KCNQ1: variants seen among roughly 807,000 people sequenced by gnomAD.
KCNQ1 encodes potassium voltage-gated channel subfamily KQT member 1.
A neutral mutation model predicts 72.4 loss-of-function variants in KCNQ1; 49 were observed. The ratio of observed to expected loss-of-function variants is 0.68; its 90% CI spans 0.54 to 0.86. The LOEUF (loss-of-function observed/expected upper bound fraction) is 0.86. Ranked by LOEUF, KCNQ1 falls within the 40% of genes least tolerant of loss-of-function variation. The probability of loss-of-function intolerance (pLI) is 0.00; values close to 1 mark genes in which losing one functional copy is unlikely to be tolerated. For missense variants in KCNQ1, 790 were observed against 945.1 expected (o/e 0.84, Z 2.15); for synonymous variants, 450 against 412.6 (o/e 1.09, Z -1.10).
rs12277672 is a variant in KCNQ1, at chr11:2,598,733, T to C, written c.1393+9879T>C. 0.28 allele frequency among the ~76,000 whole-genome samples: 42,400 copies of C among 152,086 alleles called. 9,192 individuals carry two copies. The highest frequency in any genetic ancestry group is 0.59 in the African/African-American group (24,445 of 41,424). On this transcript the variant is annotated intron_variant, in intron 10 of 15. Coordinates refer to ENST00000155840, the MANE Select transcript of KCNQ1 (RefSeq NM_000218.3). The surrounding 1 kb of genome is among the most constrained non-coding windows in gnomAD (Gnocchi z 6.2). ...GGAGTGGTTTGGAGCACAGCCTATA[T>C]GGCCAACCTTCTTTAGGGTCATAGC...
chr11:2,528,106 C>A (rs1003703364), intron 2 of KCNQ1, 88 bp downstream of exon 2: 16 of 827,426 alleles, frequency 1.9e-5, no homozygotes, highest in Non-Finnish European at 3.0e-5. Context: ...AGGTGGGGGG[C>A]AGAGCCACTC....
At chr11:2,756,295 G>T (rs1201572208) in intron 11 of KCNQ1, among the ~76,000 whole-genome samples, 2 of 152,106 alleles carry the variant, frequency 1.3e-5, no homozygotes, top group Non-Finnish European at 2.9e-5. Context: ...GGGAGAGTGA[G>T]TAAACATGGA....
rs1848358891 is a variant in KCNQ1 at position 2,572,834 on chromosome 11, T to C, written c.781-12T>C. 1.2e-6 allele frequency: 2 copies of C among 1,613,648 alleles called. No individual in the cohort carries two copies. Among genetic ancestry groups the C allele is most frequent in the African/African-American group, 2.7e-5 (2 of 75,068 alleles). ...GTTCCTGGAGCCCGACACTGTGTGT[T>C]TTCTGGCCTAGGAGCTGATAACCAC... On this transcript the variant is annotated splice_polypyrimidine_tract_variant and intron_variant, in intron 5 of 15. Coordinates refer to ENST00000155840, the MANE Select transcript of KCNQ1 (RefSeq NM_000218.3).
chr11:2,689,043 G>C (rs1850545129), intron 11 of KCNQ1: 1 of 398,782 alleles, frequency 2.5e-6, no homozygotes, highest in South Asian at 1.3e-4. Context: ...GCAGGGTTTT[G>C]AGGGGCAGTT....
rs1850184782 is a variant in KCNQ1, at chr11:2,671,623, A to G, written c.1514+9542A>G. ...CTGCACCCTAAGTATAAACCTTGCCACAGCAGTGTCCTGTGGTGCCCTGCT... is the reference window on the plus strand; with the variant it reads ...CTGCACCCTAAGTATAAACCTTGCCGCAGCAGTGTCCTGTGGTGCCCTGCT... On this transcript the variant is annotated intron_variant, in intron 11 of 15. Coordinates refer to ENST00000155840, the MANE Select transcript of KCNQ1 (RefSeq NM_000218.3). The surrounding 1 kb of genome is among the most constrained non-coding windows in gnomAD (Gnocchi z 4.7). 1 of 398,528 alleles carries G rather than the reference A, an allele frequency of 2.5e-6. No homozygotes were observed. Among genetic ancestry groups the G allele is most frequent in the Admixed American group, 4.4e-5 (1 of 22,722 alleles). The allele number at this position is 398,528 out of a possible 1,614,324, so 24.7% of individuals were successfully genotyped here.
rs1847277979 is a variant in KCNQ1, at chr11:2,515,735, T to G, written c.387-12193T>G. 6.6e-6 allele frequency among the ~76,000 whole-genome samples: 1 copy of G among 152,108 alleles called. No homozygotes were observed. The highest frequency in any genetic ancestry group is 2.4e-5 in the African/African-American group (1 of 41,414). On this transcript the variant is annotated intron_variant, in intron 1 of 15. Transcript: ENST00000155840. The surrounding 1 kb of genome is among the most constrained non-coding windows in gnomAD (Gnocchi z 4.7). ...CCCGGCGCCTTCTAAATATACTCTC[T>G]GTGGGTGTCTTATCACAGCCCAGGG...
At position 2,724,740 on chromosome 11, in the gene KCNQ1, A is replaced by T. The variant is rs1324256486; in HGVS notation, c.1515-44104A>T. Among the ~76,000 whole-genome samples the T allele has an allele frequency of 6.6e-6, 1 of 152,236 alleles. No homozygotes were observed. The highest frequency in any genetic ancestry group is 2.4e-5 in the African/African-American group (1 of 41,458). ...ACCTGCCCAAGGAGACACAGGCAACAGAACCAGGGCTCAGAGTTGGGGGAA... is the reference window on the plus strand; with the variant it reads ...ACCTGCCCAAGGAGACACAGGCAACTGAACCAGGGCTCAGAGTTGGGGGAA... On this transcript the variant is annotated intron_variant, in intron 11 of 15. Coordinates refer to ENST00000155840, the MANE Select transcript of KCNQ1 (RefSeq NM_000218.3). The surrounding 1 kb of genome is among the most constrained non-coding windows in gnomAD (Gnocchi z 6.8).
chr11:2,479,491 C>T lies in KCNQ1; in HGVS notation c.386+34007C>T, dbSNP rs780571915. Among the ~76,000 whole-genome samples, 2 of 152,250 alleles carry T rather than the reference C, an allele frequency of 1.3e-5. No individual in the cohort carries two copies. The highest frequency in any genetic ancestry group is 2.9e-5 in the Non-Finnish European group (2 of 68,054). ...AAGCTACCAAGAGTTGGGGCTTGCA[C>T]CCTCTGAAGCCACAGCCCAAGCTGT... On this transcript the variant is annotated intron_variant, in intron 1 of 15. Transcript: ENST00000155840. The surrounding 1 kb of genome is among the most constrained non-coding windows in gnomAD (Gnocchi z 4.6).
chr11:2,820,381 ATAAT>A lies in KCNQ1; in HGVS notation c.1795-27384_1795-27381del, dbSNP rs1275555954. Among the ~76,000 whole-genome samples, 3 of 152,244 alleles carry A rather than the reference ATAAT, an allele frequency of 2.0e-5. No homozygotes were observed. The East Asian group carries it at 5.8e-4, about 29-fold the overall frequency. ...TATCCATCTGTTGCTATTTTTATTA[ATAAT>A]TTTCTATTTTACATCAAGGTACAGA... is the stretch of plus-strand genomic sequence containing the variant. On this transcript the variant is annotated intron_variant, in intron 15 of 15. Coordinates refer to ENST00000155840, the MANE Select transcript of KCNQ1 (RefSeq NM_000218.3).
At chr11:2,583,272 G>C (rs189053071) in intron 6 of KCNQ1, among the ~76,000 whole-genome samples, 163 bp from the exon 7 acceptor site, 3 of 152,164 alleles carry the variant, frequency 2.0e-5, no homozygotes, top group African/African-American at 7.2e-5. Flanking sequence ...GCCATCCCGC[G>C]GCTCTGTTCC....
chr11:2,462,124 C>T lies in KCNQ1; in HGVS notation c.386+16640C>T, dbSNP rs897618999. On this transcript the variant is annotated intron_variant, in intron 1 of 15. Coordinates refer to ENST00000155840, the MANE Select transcript of KCNQ1 (RefSeq NM_000218.3). This position sits in a 1 kb window ranked among gnomAD's most constrained non-coding sequence, Gnocchi z 8.2. Reference sequence around the variant, plus strand: ...AGAATCCTTCCCTGGGCTGAGGGGGCGTTGCTGTGGGTGTATCTCATGGAG... The same window carrying T: ...AGAATCCTTCCCTGGGCTGAGGGGGTGTTGCTGTGGGTGTATCTCATGGAG... 3.4e-5 allele frequency: 9 copies of T among 261,232 alleles called. No homozygotes were observed. Among genetic ancestry groups the T allele is most frequent in the South Asian group, 8.5e-5 (2 of 23,478 alleles). The allele number at this position is 261,232 out of a possible 1,614,324, so 16.2% of individuals were successfully genotyped here.
intron 1 of KCNQ1, chr11:2,461,872 G>A (rs1182949214): frequency 2.0e-6 from 1 of 495,866 alleles, no homozygotes; most frequent in African/African-American, 2.0e-5. Flanking sequence ...GTGGACGGAG[G>A]GATGGGCAGG....
intron 11 of KCNQ1, among the ~76,000 whole-genome samples, chr11:2,755,773 T>C (rs1846289784): frequency 6.6e-6 from 1 of 152,228 alleles, no homozygotes; most frequent in Non-Finnish European, 1.5e-5. Flanking sequence ...TGATAAAGAA[T>C]TGGTGTATGT....
Position 2,495,854 on chromosome 11 carries a change from C to T in KCNQ1, c.387-32074C>T, listed in dbSNP as rs538751813. 8.5e-4 allele frequency among the ~76,000 whole-genome samples: 130 copies of T among 152,260 alleles called. No homozygotes were observed. Among genetic ancestry groups the T allele is most frequent in the Non-Finnish European group, 1.5e-3 (101 of 68,020 alleles). ...AAGTTCTGTAGATGTCTATTAGGTC[C>T]GCTTGGTCCAGAGCTGAGTTCAAGT... On this transcript the variant is annotated intron_variant, in intron 1 of 15. Transcript: ENST00000155840. This position sits in a 1 kb window ranked among gnomAD's most constrained non-coding sequence, Gnocchi z 4.6.
intron 10 of KCNQ1, chr11:2,618,448 A>G (rs1015943127): frequency 2.5e-6 from 1 of 398,476 alleles, no homozygotes; most frequent in East Asian, 3.6e-5. Flanking sequence ...AACGTCATTT[A>G]TGAGAGAGAC....
In KCNQ1 at chr11:2,623,524, G is replaced by A. The variant is rs749535208; in HGVS notation, c.1393+34670G>A. On this transcript the variant is annotated intron_variant, in intron 10 of 15. Transcript: ENST00000155840. The surrounding 1 kb of genome is among the most constrained non-coding windows in gnomAD (Gnocchi z 5.2). ...CAATATGATTGGAATCATACAGTAT[G>A]TAGTTTCTTCAGATTGCCTTATTTC... is the stretch of plus-strand genomic sequence containing the variant. The A allele has an allele frequency of 2.5e-6, 1 of 398,512 alleles. No homozygotes were observed. The highest frequency in any genetic ancestry group is 4.4e-6 in the Non-Finnish European group (1 of 226,048). 24.7% of individuals were successfully genotyped at this position (398,512 alleles called of 1,614,324 possible).
chr11:2,733,814 A>ACACACACTCTCT, intron 11 of KCNQ1, among the ~76,000 whole-genome samples: 3 of 86,642 alleles, frequency 3.5e-5, no homozygotes, highest in Admixed American at 2.5e-4. Flanking sequence ...ACACACACAC[A>ACACACACTCTCT]CTCTCTCACT....
rs901019530 is a variant in KCNQ1 at position 2,715,108 on chromosome 11, C to A, written c.1514+53027C>A. Among the ~76,000 whole-genome samples, 1 of 152,066 alleles carries A rather than the reference C, an allele frequency of 6.6e-6. No individual in the cohort carries two copies. Among genetic ancestry groups the A allele is most frequent in the African/African-American group, 2.4e-5 (1 of 41,402 alleles). On this transcript the variant is annotated intron_variant, in intron 11 of 15. Coordinates refer to ENST00000155840, the MANE Select transcript of KCNQ1 (RefSeq NM_000218.3). The surrounding 1 kb of genome is among the most constrained non-coding windows in gnomAD (Gnocchi z 4.9). ...CACTGATGATACTTGGCGAGGATGA[C>A]CGCAAGTGTCTTGACCCAAACATGA...
Position 2,658,246 on chromosome 11 carries a change from C to T in KCNQ1, c.1394-3715C>T, listed in dbSNP as rs1480893843. ...ATCGTTTTCCTGCAGCAAATATTAC[C>T]GTGATGTACTTCTATTTTCCTCATT... On this transcript the variant is annotated intron_variant, in intron 10 of 15. Coordinates refer to ENST00000155840, the MANE Select transcript of KCNQ1 (RefSeq NM_000218.3). The surrounding 1 kb of genome is among the most constrained non-coding windows in gnomAD (Gnocchi z 4.9). 20 of 398,402 alleles carry T rather than the reference C, an allele frequency of 5.0e-5. No individual in the cohort carries two copies. The highest frequency in any genetic ancestry group is 6.2e-4 in the Middle Eastern group (1 of 1,610). 24.7% of individuals were successfully genotyped at this position (398,402 alleles called of 1,614,324 possible). A position where few individuals can be genotyped will look rare whatever the true frequency, so the allele number is the denominator to read the frequency against.
Sources: gnomAD v4.1 joint callset for allele counts (sites outside exome capture counted in the v4.1 genomes callset) on GRCh38, gnomAD v4.1.1 for gene constraint, Gnocchi (gnomAD v3.1) non-coding constraint, MANE v1.5 for transcripts, NCBI Gene and HGNC (gene_info 2026-07-23, HGNC 2026-07-21) for gene names.